The following ANK2 variants were observed in gnomAD, a reference collection of about 807,000 sequenced individuals.
The protein encoded by ANK2 is ankyrin 2.
A neutral mutation model predicts 360.5 loss-of-function variants in ANK2; 83 were observed. That is an observed-to-expected ratio of 0.23 (90% CI 0.19 to 0.28). ANK2 has a LOEUF of 0.28. Among genes scored for constraint, ANK2 ranks in the 10% least tolerant of loss-of-function variants. The pLI is 1.00. For synonymous variants in ANK2, 1,740 were observed against 1,759.5 expected (o/e 0.99, Z 0.28); for missense variants, 4,201 against 4,795.7 (o/e 0.88, Z 3.66).
At chr4:113,056,439 C>A (rs963904510) in intron 1 of ANK2, among the ~76,000 whole-genome samples, 5 of 152,108 alleles carry the variant, frequency 3.3e-5, no homozygotes, top group Non-Finnish European at 5.9e-5. Context: ...TGATTCAGAG[C>A]ATGCTAAATT....
At chr4:112,711,661 A>C in the ANK2 span, among the ~76,000 whole-genome samples, 1 of 151,860 alleles carries the variant, frequency 6.6e-6, no homozygotes, top group African/African-American at 2.4e-5. Flanking sequence ...TACTAAAAAT[A>C]CAAAAAAAAT....
intron 1 of ANK2, among the ~76,000 whole-genome samples, chr4:113,085,646 A>G (rs1460939126): frequency 1.3e-5 from 2 of 152,114 alleles, no homozygotes; most frequent in Non-Finnish European, 2.9e-5. Context: ...AGGTCAAAAC[A>G]TGTTAAGCAA....
intron 14 of ANK2, 140 bp downstream of exon 14, chr4:113,265,135 G>GAA (rs1323582956): frequency 7.9e-5 from 52 of 661,622 alleles, no homozygotes; most frequent in East Asian, 2.1e-4. Flanking sequence ...CAGTTTTCCA[G>GAA]AAAAAAAAAA....
chr4:113,241,921 A>G (rs771688928), intron 8 of ANK2, among the ~76,000 whole-genome samples, 190 bp from the exon 9 acceptor site: 2 of 152,058 alleles, frequency 1.3e-5, no homozygotes, highest in Non-Finnish European at 2.9e-5. Context: ...TCCATTTTTC[A>G]TTCTCTAACT....
intron 2 of ANK2, among the ~76,000 whole-genome samples, chr4:112,962,897 A>T (rs1429822710): frequency 2.0e-4 from 30 of 152,158 alleles, no homozygotes; most frequent in Admixed American, 2.0e-3. Context: ...TTTCTCTGGG[A>T]ATCTCCAGTA....
At chr4:112,888,707 A>G (rs746552180) in intron 1 of ANK2, among the ~76,000 whole-genome samples, 5 of 152,332 alleles carry the variant, frequency 3.3e-5, no homozygotes, top group Non-Finnish European at 7.4e-5. Flanking sequence ...GATTATTTCA[A>G]TCTGGCACTG....
At position 113,338,162 on chromosome 4, in the gene ANK2, A is replaced by G. The variant is rs530043571; in HGVS notation, c.3797-1064A>G. On this transcript the variant is annotated intron_variant, in intron 31 of 45. Coordinates refer to ENST00000357077, the MANE Select transcript of ANK2 (RefSeq NM_001148.6). ...TGAGTATGTATTTTAAAGGCCTACTAGAATAAACTTCCATAAACTTTCTTT... is the reference window on the plus strand; with the variant it reads ...TGAGTATGTATTTTAAAGGCCTACTGGAATAAACTTCCATAAACTTTCTTT... Among the ~76,000 whole-genome samples the G allele has an allele frequency of 5.3e-5, 8 of 152,358 alleles. 1 individual carries two copies. The South Asian group carries it at 8.3e-4, about 16-fold the overall frequency.
At chr4:113,226,211 A>G (rs1343760760) in intron 4 of ANK2, among the ~76,000 whole-genome samples, 3 of 152,104 alleles carry the variant, frequency 2.0e-5, no homozygotes, top group Non-Finnish European at 4.4e-5. Flanking sequence ...GCCAAGTAAT[A>G]TCTTTAAAAA....
At chr4:112,938,980 A>C (rs2093983225) in intron 2 of ANK2, among the ~76,000 whole-genome samples, 1 of 152,222 alleles carries the variant, frequency 6.6e-6, no homozygotes, top group Non-Finnish European at 1.5e-5. Flanking sequence ...TAAAATAAAA[A>C]GATTATTTAC....
intron 7 of ANK2, among the ~76,000 whole-genome samples, chr4:113,239,049 A>G (rs995547123): frequency 3.9e-5 from 6 of 152,266 alleles, no homozygotes; most frequent in African/African-American, 1.2e-4. Context: ...CAAGATAAAC[A>G]TGAAATAAAT....
At chr4:112,858,652 A>G (rs1254037302) in intron 1 of ANK2, among the ~76,000 whole-genome samples, 2 of 152,324 alleles carry the variant, frequency 1.3e-5, no homozygotes, top group South Asian at 2.1e-4. Context: ...ACTTGGCAAA[A>G]TGATTCTGTC....
chr4:113,234,853 T>C (rs965821123), intron 5 of ANK2, among the ~76,000 whole-genome samples: 35 of 152,282 alleles, frequency 2.3e-4, no homozygotes, highest in African/African-American at 7.9e-4. Flanking sequence ...TGATGAAAAA[T>C]GAAGCTACCA....
chr4:112,723,876 T>C, the ANK2 span, among the ~76,000 whole-genome samples: 6 of 126,758 alleles, frequency 4.7e-5, no homozygotes, highest in South Asian at 1.5e-3. Flanking sequence ...TTAGTTGATA[T>C]GATATATGCA....
At chr4:113,016,823 C>G (rs1481390334) in intron 2 of ANK2, among the ~76,000 whole-genome samples, 1 of 152,162 alleles carries the variant, frequency 6.6e-6, no homozygotes, top group Non-Finnish European at 1.5e-5. Context: ...TGTGAAGAAG[C>G]CACTTTGCTG....
chr4:113,249,348 A>G (rs998642064), intron 9 of ANK2, among the ~76,000 whole-genome samples: 8 of 152,246 alleles, frequency 5.3e-5, no homozygotes, highest in Non-Finnish European at 1.5e-5. Flanking sequence ...TAGAACAAAC[A>G]ATATGAAGAC....
rs1026470127 is a variant in ANK2, at chr4:113,287,837, C to T, written c.2178+134C>T. 114 of 771,580 alleles carry T rather than the reference C, an allele frequency of 1.5e-4. 1 individual carries two copies. Among genetic ancestry groups the T allele is most frequent in the South Asian group, 1.0e-3 (68 of 68,176 alleles). 47.8% of individuals were successfully genotyped at this position (771,580 alleles called of 1,614,324 possible). A position where few individuals can be genotyped will look rare whatever the true frequency, so the allele number is the denominator to read the frequency against. ...TCTGAAATATAAACTAATCATAACC[C>T]TCTCCTATGCACAAATCTATGGTGG... On this transcript the variant is annotated intron_variant, in intron 19 of 45. Coordinates refer to ENST00000357077, the MANE Select transcript of ANK2 (RefSeq NM_001148.6).
the ANK2 span, among the ~76,000 whole-genome samples, chr4:112,752,063 C>T: frequency 4.6e-5 from 7 of 152,196 alleles, no homozygotes; most frequent in Non-Finnish European, 7.3e-5. Context: ...GGTTCTTATA[C>T]ACATGGCACA....
chr4:112,745,395 T>C, the ANK2 span, among the ~76,000 whole-genome samples: 2 of 152,216 alleles, frequency 1.3e-5, no homozygotes, highest in African/African-American at 4.8e-5. Context: ...TCAAGGTAAA[T>C]GGGGTATCCA....
chr4:112,782,705 CCAAAAATA>C, the ANK2 span, among the ~76,000 whole-genome samples: 2 of 151,262 alleles, frequency 1.3e-5, no homozygotes, highest in South Asian at 4.2e-4. Context: ...CCTGTCTCTA[CCAAAAATA>C]CAAAAATTAG....
Sources: gnomAD v4.1 joint callset for allele counts (sites outside exome capture counted in the v4.1 genomes callset) on GRCh38, gnomAD v4.1.1 for gene constraint, MANE v1.5 for transcripts, NCBI Gene and HGNC (gene_info 2026-07-23, HGNC 2026-07-21) for gene names.